The following SOS2 variants were observed in gnomAD, a reference collection of about 807,000 sequenced individuals.
SOS2 encodes son of sevenless homolog 2.
In SOS2, 65 loss-of-function variants were observed where a neutral mutation model predicts 148.2. That is an observed-to-expected ratio of 0.44 (90% CI 0.36 to 0.54). The LOEUF (loss-of-function observed/expected upper bound fraction) is 0.54, where lower values mean the gene tolerates loss of function less well. SOS2 is among the 20% of genes least tolerant of loss of function. The pLI is 0.00. For missense variants in SOS2, 1,341 were observed against 1,590.2 expected (o/e 0.84, Z 2.67); for synonymous variants, 539 against 537.1 (o/e 1.00, Z -0.05).
At chr14:50,226,528 G>A (rs772124831) in intron 1 of SOS2, among the ~76,000 whole-genome samples, 14 of 152,104 alleles carry the variant, frequency 9.2e-5, no homozygotes, top group Admixed American at 3.3e-4. Flanking sequence ...TTTCCTTGCC[G>A]TAGACTGCTA....
intron 13 of SOS2, among the ~76,000 whole-genome samples, chr14:50,152,709 C>T (rs1242299041): frequency 2.0e-5 from 3 of 152,082 alleles, no homozygotes; most frequent in Non-Finnish European, 4.4e-5. Flanking sequence ...AATCCCAGCA[C>T]TTTGGGAAGC....
intron 8 of SOS2, among the ~76,000 whole-genome samples, chr14:50,173,491 T>C (rs1159092807): frequency 6.6e-6 from 1 of 152,056 alleles, no homozygotes; most frequent in Non-Finnish European, 1.5e-5. Flanking sequence ...GCACAATCTC[T>C]GCTCACTGCA....
At chr14:50,120,183 C>A in intron 22 of SOS2, 92 bp downstream of exon 22, 1 of 621,232 alleles carries the variant, frequency 1.6e-6, no homozygotes, top group South Asian at 2.2e-5. Flanking sequence ...TAAATGGTAG[C>A]CAAAGTATAA....
At chr14:50,150,310 A>G in intron 13 of SOS2, 80 bp from the exon 14 acceptor site, 1 of 996,830 alleles carries the variant, frequency 1.0e-6, no homozygotes, top group Non-Finnish European at 1.6e-6. Flanking sequence ...CTTAACTTTC[A>G]CCCAGCCTCA....
chr14:50,147,627 G>A (rs1468319475), intron 14 of SOS2, among the ~76,000 whole-genome samples: 1 of 152,124 alleles, frequency 6.6e-6, no homozygotes, highest in Non-Finnish European at 1.5e-5. Flanking sequence ...TCAAATTCAG[G>A]GTGGTAGTGC....
chr14:50,231,608 C>A, upstream of SOS2: 1 of 153,088 alleles, frequency 6.5e-6, no homozygotes, highest in South Asian at 1.8e-4. Context: ...TGTCTGGGTT[C>A]GCGGCCCGTC....
intron 7 of SOS2, among the ~76,000 whole-genome samples, chr14:50,177,410 C>G (rs1885560083): frequency 6.6e-6 from 1 of 151,818 alleles, no homozygotes; most frequent in African/African-American, 2.4e-5. Context: ...TTATCTTAAA[C>G]TGAATGAATT....
In SOS2 at chr14:50,174,485, T is replaced by G. The variant is rs1486068977; in HGVS notation, c.1037A>C (p.Tyr346Ser). The G allele has an allele frequency of 6.2e-7, 1 of 1,609,322 alleles. No homozygotes were observed. Among genetic ancestry groups the G allele is most frequent in the Non-Finnish European group, 8.5e-7 (1 of 1,176,614 alleles). ...TAACTCAAAGTAGTGCCAACAGTGA[T>G]ACACTGGCACCAGCATAAGACGTGG... ...VLPRLMLVPV[Y>S]HCWHYFELLK... Residue 346 changes from tyrosine (Y) to serine (S), a missense_variant, in exon 8 of 23, where the codon TAT becomes TCT. Tyr to Ser is a moderately radical substitution (Grantham distance 144). Coordinates refer to ENST00000216373, the MANE Select transcript of SOS2 (RefSeq NM_006939.4).
chr14:50,183,417 AG>A (rs1443355799), intron 5 of SOS2, among the ~76,000 whole-genome samples: 1 of 152,152 alleles, frequency 6.6e-6, no homozygotes, highest in African/African-American at 2.4e-5. Context: ...ATAAGAGTTA[AG>A]GGTATATCTT....
chr14:50,149,398 C>G (rs549146424), intron 14 of SOS2, among the ~76,000 whole-genome samples: 38 of 151,542 alleles, frequency 2.5e-4, no homozygotes, highest in Admixed American at 5.9e-4. Flanking sequence ...AAATCAGACA[C>G]AGAAAGAAAA....
At position 50,125,271 on chromosome 14, in the gene SOS2, G is replaced by T. The variant is rs561662076; in HGVS notation, c.3379+4690C>A. ...CATCTACAAATCAGGAGATGCCAAGGATTGCCAGCAAATGCCAGAAGGTAG... is the reference window on the plus strand; with the variant it reads ...CATCTACAAATCAGGAGATGCCAAGTATTGCCAGCAAATGCCAGAAGGTAG... On this transcript the variant is annotated intron_variant, in intron 21 of 22. Transcript: ENST00000216373. 5.9e-5 allele frequency among the ~76,000 whole-genome samples: 9 copies of T among 152,300 alleles called. No individual in the cohort carries two copies. In the South Asian group the frequency reaches 1.9e-3, roughly 32 times the overall value.
intron 1 of SOS2, 185 bp downstream of exon 1, chr14:50,231,012 C>CAAA: frequency 5.5e-5 from 29 of 529,358 alleles, no homozygotes; most frequent in Admixed American, 1.5e-4. Context: ...CGGGACCAGG[C>CAAA]AAAAAAAAAA....
intron 16 of SOS2, 112 bp downstream of exon 16, chr14:50,145,058 C>G: frequency 2.1e-6 from 1 of 480,362 alleles, no homozygotes; most frequent in Non-Finnish European, 3.6e-6. Context: ...ATTTATGAAG[C>G]AAGGATGAAT....
At position 50,158,635 on chromosome 14, in the gene SOS2, C is replaced by T; in HGVS notation, c.1864G>A (p.Val622Ile). The change falls in exon 11 of 23, where the codon GTT (valine) becomes ATT (isoleucine). Residue 622 changes from valine to isoleucine, a missense_variant. Physicochemically the swap from Val to Ile is conservative, Grantham distance 29 (BLOSUM62 3). Around this residue, in one of 4 missense-constraint regions of SOS2, gnomAD observed 408 missense variants for 506.6 expected, o/e 0.81. Transcript: ENST00000216373. The stretch of plus-strand genomic sequence containing the variant: ...CGATATGTGGTAAGAAAAGTACGAA[C>T]AAAATTGGGATCTGAAAAGGCAGAG... ...TYHMYADPNF[V>I]RTFLTTYRSF... 1 of 1,603,772 alleles carries T rather than the reference C, an allele frequency of 6.2e-7. No homozygotes were observed. The highest frequency in any genetic ancestry group is 8.5e-7 in the Non-Finnish European group (1 of 1,173,650).
intron 18 of SOS2, among the ~76,000 whole-genome samples, chr14:50,135,784 G>T (rs1884060487): frequency 6.7e-6 from 1 of 149,910 alleles, no homozygotes; most frequent in African/African-American, 2.4e-5. Context: ...TCATCAGATG[G>T]ATATTTCAGA....
At chr14:50,150,712 C>A (rs1018300490) in intron 13 of SOS2, among the ~76,000 whole-genome samples, 1 of 151,944 alleles carries the variant, frequency 6.6e-6, no homozygotes, top group Non-Finnish European at 1.5e-5. Flanking sequence ...CACATATCAC[C>A]ACGCCTGGCT....
chr14:50,199,625 A>G, intron 4 of SOS2, 66 bp downstream of exon 4: 1 of 966,710 alleles, frequency 1.0e-6, no homozygotes, highest in East Asian at 2.7e-5. Context: ...ATGTACACAA[A>G]AAGATTGAGG....
chr14:50,173,367 G>T (rs899414639), intron 8 of SOS2, among the ~76,000 whole-genome samples: 1 of 151,818 alleles, frequency 6.6e-6, no homozygotes, highest in African/African-American at 2.4e-5. Flanking sequence ...TCTTTTTTAA[G>T]TTCTTTTTTA....
chr14:50,136,591 C>CT lies in SOS2; in HGVS notation c.2958+2020dup, dbSNP rs33937285. ...CTTTATTTTTTTTAAGAGCAAGTAT[C>CT]TTTTTTTTTTTTTTTTGAGATGCAG... On this transcript the variant is annotated intron_variant, in intron 18 of 22. Transcript: ENST00000216373. 2.7e-3 allele frequency among the ~76,000 whole-genome samples: 373 copies of CT among 139,458 alleles called. 6 individuals carry two copies. The highest frequency in any genetic ancestry group is 5.3e-4 in the Non-Finnish European group (34 of 64,198). 91.5% of individuals were successfully genotyped at this position (139,458 alleles called of 152,430 possible).
Sources: allele counts gnomAD v4.1 joint callset (sites outside exome capture counted in the v4.1 genomes callset), GRCh38; gene constraint gnomAD v4.1.1; regional missense constraint gnomAD v4.1.1; transcripts MANE v1.5; gene names NCBI Gene and HGNC (gene_info 2026-07-23, HGNC 2026-07-21).